GALNTL5: variants seen among roughly 807,000 people sequenced by gnomAD.
GALNTL5 encodes the protein inactive polypeptide N-acetylgalactosaminyltransferase-like protein 5.
In GALNTL5, 44 loss-of-function variants were observed where a neutral mutation model predicts 51.0. That is an observed-to-expected ratio of 0.86 (90% CI 0.68 to 1.11). The LOEUF is 1.11. Among genes scored for constraint, GALNTL5 ranks in the 50% least tolerant of loss-of-function variants. The probability of loss-of-function intolerance (pLI) is 0.00; values close to 1 mark genes in which losing one functional copy is unlikely to be tolerated. For synonymous variants in GALNTL5, 192 were observed against 182.8 expected (o/e 1.05, Z -0.41); for missense variants, 528 against 531.8 (o/e 0.99, Z 0.07).
In GALNTL5 at chr7:151,963,676, G is replaced by A. The variant is rs2081021427; in HGVS notation, c.-39-3532G>A. 2.0e-5 allele frequency among the ~76,000 whole-genome samples: 3 copies of A among 152,206 alleles called. No homozygotes were observed. The South Asian group carries it at 6.2e-4, about 32-fold the overall frequency. ...GCCTCTGGAAGTGCTGGGATTACAG[G>A]CATGAGCCACTGCGCCTGGCCATTT... On this transcript the variant is annotated intron_variant, in intron 1 of 8. Transcript: ENST00000392800.
chr7:152,002,815 C>T lies in GALNTL5; in HGVS notation c.760C>T (p.Pro254Ser). 1.2e-6 allele frequency: 2 copies of T among 1,614,060 alleles called. No individual in the cohort carries two copies. The highest frequency in any genetic ancestry group is 1.7e-6 in the Non-Finnish European group (2 of 1,180,018). ...CAAGGACCCCAAAATGGTGGTGTGCCCCCTGATAGATGTCATTGATGATAG... is the reference window on the plus strand; with the variant it reads ...CAAGGACCCCAAAATGGTGGTGTGCTCCCTGATAGATGTCATTGATGATAG... ...IAKDPKMVVCPLIDVIDDRTL... is the reference protein window; with the variant it reads ...IAKDPKMVVCSLIDVIDDRTL... The change falls in exon 6 of 9, where the codon CCC becomes TCC. Residue 254 changes from proline to serine, a missense_variant. By Grantham distance (74) the Pro-to-Ser change is moderately conservative. Transcript: ENST00000392800.
chr7:152,010,813 A>G (rs573547152), intron 7 of GALNTL5, among the ~76,000 whole-genome samples: 2 of 152,246 alleles, frequency 1.3e-5, no homozygotes, highest in Admixed American at 1.3e-4. Flanking sequence ...AGAAAAATAC[A>G]GAGTATTATG....
chr7:152,017,723 T>A (rs114742218), intron 8 of GALNTL5, among the ~76,000 whole-genome samples: 2,450 of 152,342 alleles, frequency 0.016, 82 homozygotes, highest in African/African-American at 0.056. Context: ...CTCATTTTTT[T>A]AAATAGTTCC....
intron 5 of GALNTL5, among the ~76,000 whole-genome samples, chr7:152,002,064 G>A (rs1311107746): frequency 6.6e-6 from 1 of 152,124 alleles, no homozygotes; most frequent in Non-Finnish European, 1.5e-5. Context: ...CGGATCACCT[G>A]AGGTCAGGAG....
chr7:151,981,278 T>A (rs2081282116), intron 3 of GALNTL5, among the ~76,000 whole-genome samples: 1 of 152,214 alleles, frequency 6.6e-6, no homozygotes, highest in Non-Finnish European at 1.5e-5. Flanking sequence ...ATCATAATCA[T>A]GTAATGCGCC....
chr7:152,007,385 T>G (rs978827635), intron 6 of GALNTL5, among the ~76,000 whole-genome samples: 2 of 151,500 alleles, frequency 1.3e-5, no homozygotes, highest in Non-Finnish European at 2.9e-5. Context: ...AAATGTATAA[T>G]AGGATAATTT....
At chr7:152,011,516 C>G (rs896477107) in intron 7 of GALNTL5, among the ~76,000 whole-genome samples, 1 of 152,258 alleles carries the variant, frequency 6.6e-6, no homozygotes, top group Non-Finnish European at 1.5e-5. Flanking sequence ...CTCCAGGAAC[C>G]AGGGCCTTGC....
chr7:151,970,621 C>G, intron 2 of GALNTL5: 1 of 225,894 alleles, frequency 4.4e-6, no homozygotes, highest in Non-Finnish European at 8.8e-6. Context: ...TGCCTGTTTC[C>G]CTTTTACCTC....
At chr7:152,013,472 A>C (rs2081765522) in intron 7 of GALNTL5, among the ~76,000 whole-genome samples, 1 of 152,196 alleles carries the variant, frequency 6.6e-6, no homozygotes, top group Non-Finnish European at 1.5e-5. Context: ...AGCAATGGTT[A>C]TTTCTCATAA....
rs538749747 is a variant in GALNTL5 at position 152,001,016 on chromosome 7, C to T, written c.659-1698C>T. Among the ~76,000 whole-genome samples the T allele has an allele frequency of 1.3e-3, 195 of 151,056 alleles. 1 individual carries two copies. Among genetic ancestry groups the T allele is most frequent in the African/African-American group, 4.6e-3 (188 of 41,184 alleles). On this transcript the variant is annotated intron_variant, in intron 5 of 8. Transcript: ENST00000392800. Reference sequence around the variant, plus strand: ...CGCCTCCTGGGGTCAAGTGATTCTCCTGCCTCAGCCTCCTAAGTAGCTGGG... The same window carrying T: ...CGCCTCCTGGGGTCAAGTGATTCTCTTGCCTCAGCCTCCTAAGTAGCTGGG...
intron 5 of GALNTL5, among the ~76,000 whole-genome samples, chr7:152,000,459 G>A (rs1277268315): frequency 2.6e-5 from 4 of 152,220 alleles, no homozygotes; most frequent in Admixed American, 6.5e-5. Flanking sequence ...AGAGAACTCA[G>A]CCCAGAGAGT....
At chr7:151,976,404 T>G (rs1221980479) in intron 3 of GALNTL5, among the ~76,000 whole-genome samples, 1 of 152,188 alleles carries the variant, frequency 6.6e-6, no homozygotes, top group Non-Finnish European at 1.5e-5. Context: ...TTTTGCAATT[T>G]TTGACTTACT....
chr7:151,974,064 A>G (rs961166245), intron 3 of GALNTL5, among the ~76,000 whole-genome samples: 3 of 152,140 alleles, frequency 2.0e-5, no homozygotes, highest in Non-Finnish European at 4.4e-5. Flanking sequence ...GGCCTCCCCA[A>G]CCATGTGGAA....
At chr7:151,965,961 T>G (rs2151938346) in intron 1 of GALNTL5, among the ~76,000 whole-genome samples, 1 of 152,212 alleles carries the variant, frequency 6.6e-6, no homozygotes, top group South Asian at 2.1e-4. Flanking sequence ...TTATGTAAAT[T>G]CACTATTATA....
At chr7:151,990,223 T>C (rs2081409693) in intron 5 of GALNTL5, among the ~76,000 whole-genome samples, 1 of 151,876 alleles carries the variant, frequency 6.6e-6, no homozygotes, top group South Asian at 2.1e-4. Flanking sequence ...TTTGTATTTT[T>C]AGTACAGAAG....
At chr7:151,988,196 C>T (rs1242967539) in intron 5 of GALNTL5, among the ~76,000 whole-genome samples, 1 of 152,176 alleles carries the variant, frequency 6.6e-6, no homozygotes, top group African/African-American at 2.4e-5. Context: ...GCAGGTATGA[C>T]CTTGGTAGCC....
intron 1 of GALNTL5, among the ~76,000 whole-genome samples, chr7:151,964,717 C>A (rs911401049): frequency 6.6e-6 from 1 of 152,174 alleles, no homozygotes; most frequent in African/African-American, 2.4e-5. Context: ...AGATGCCAAC[C>A]AGCTGATTGG....
intron 3 of GALNTL5, among the ~76,000 whole-genome samples, chr7:151,980,198 C>A (rs914045142): frequency 6.6e-6 from 1 of 152,134 alleles, no homozygotes; most frequent in Non-Finnish European, 1.5e-5. Flanking sequence ...ATTCTCCTGC[C>A]TCAGCCTCCT....
chr7:151,960,708 G>A (rs1250308305), intron 1 of GALNTL5: 2 of 152,246 alleles, frequency 1.3e-5, no homozygotes, highest in Non-Finnish European at 2.9e-5. Context: ...CTTTGAATGC[G>A]AGATCCCCAG....
Sources: allele counts gnomAD v4.1 joint callset (sites outside exome capture counted in the v4.1 genomes callset), GRCh38; gene constraint gnomAD v4.1.1; transcripts MANE v1.5; gene names NCBI Gene and HGNC (gene_info 2026-07-23, HGNC 2026-07-21).